Variants in MYO5B observed in about 807,000 individuals in gnomAD.
MYO5B encodes myosin VB, also known as unconventional myosin-Vb.
Under a neutral mutation model 229.3 loss-of-function variants are expected in MYO5B, and 143 were observed. The ratio of observed to expected loss-of-function variants is 0.62; its 90% CI spans 0.54 to 0.72. The LOEUF is 0.72. MYO5B is among the 30% of genes least tolerant of loss of function. The pLI is 0.00. For missense variants in MYO5B, 2,321 were observed against 2,331.0 expected (o/e 1.00, Z 0.09); for synonymous variants, 918 against 885.2 (o/e 1.04, Z -0.66).
chr18:50,172,821 TGGA>T (rs1209884587), intron 1 of MYO5B, among the ~76,000 whole-genome samples: 3 of 152,034 alleles, frequency 2.0e-5, no homozygotes, highest in Admixed American at 6.6e-5. Flanking sequence ...GAGTAGGTGG[TGGA>T]GAAGCCCTCC....
chr18:49,835,373 C>A lies in MYO5B; in HGVS notation c.5365G>T (p.Val1789Leu). 6.2e-7 allele frequency: 1 copy of A among 1,611,988 alleles called. No homozygotes were observed. The part of the protein sequence containing the change: ...YTPLNEFEER[V>L]TVAFIRTIQA... ...ATTGTTCGTATAAAGGCCACTGTTA[C>A]CCGTTCTTCAAATTCATTCAGGGGA... The change falls in exon 39 of 40, where the codon GTA becomes TTA. Residue 1789 changes from valine (V) to leucine (L), a missense_variant. Val to Leu is a conservative substitution (Grantham distance 32, BLOSUM62 1). This residue lies in a region of MYO5B where 208 missense variants were observed against 286.3 expected (regional missense o/e 0.73). Transcript: ENST00000285039.
At chr18:50,053,732 A>C (rs2030466866) in intron 2 of MYO5B, among the ~76,000 whole-genome samples, 1 of 152,202 alleles carries the variant, frequency 6.6e-6, no homozygotes, top group Non-Finnish European at 1.5e-5. Context: ...GCTTAAGTTG[A>C]TACAAAACAG....
chr18:49,984,653 C>G, intron 8 of MYO5B, 65 bp downstream of exon 8: 1 of 1,286,236 alleles, frequency 7.8e-7, no homozygotes, highest in Admixed American at 1.7e-5. Flanking sequence ...GGGACATCGC[C>G]TTGCATTCTA....
At chr18:49,931,006 A>G (rs985729375) in intron 16 of MYO5B, among the ~76,000 whole-genome samples, 1 of 152,170 alleles carries the variant, frequency 6.6e-6, no homozygotes, top group Non-Finnish European at 1.5e-5. Context: ...AGAATTAATC[A>G]CTATTTTTAA....
intron 14 of MYO5B, 21 bp downstream of exon 14, chr18:49,953,239 C>T (rs200117339): frequency 1.2e-6 from 2 of 1,609,866 alleles, no homozygotes; most frequent in Admixed American, 3.3e-5. Context: ...TGCTCCACTC[C>T]CCACTTCTGA....
chr18:49,950,839 C>T (rs1472948276), intron 14 of MYO5B, among the ~76,000 whole-genome samples: 5 of 152,166 alleles, frequency 3.3e-5, no homozygotes, highest in African/African-American at 4.8e-5. Flanking sequence ...GCTAACACAG[C>T]AGGCCTGCAT....
At chr18:49,916,986 T>C (rs1304040662) in intron 17 of MYO5B, among the ~76,000 whole-genome samples, 1 of 152,218 alleles carries the variant, frequency 6.6e-6, no homozygotes, top group Non-Finnish European at 1.5e-5. Flanking sequence ...CCTTTGGGTG[T>C]GTGTTCACTG....
chr18:50,174,261 C>A (rs1223479089), intron 1 of MYO5B, among the ~76,000 whole-genome samples: 2 of 152,136 alleles, frequency 1.3e-5, no homozygotes, highest in African/African-American at 4.8e-5. Flanking sequence ...TCATGTGGAA[C>A]TTAATTCCTT....
intron 1 of MYO5B, among the ~76,000 whole-genome samples, chr18:50,143,695 GA>G (rs2032453856): frequency 6.6e-6 from 1 of 151,980 alleles, no homozygotes; most frequent in South Asian, 2.1e-4. Context: ...ATTTGTTAAG[GA>G]AAAAAATATC....
intron 21 of MYO5B, among the ~76,000 whole-genome samples, chr18:49,897,446 A>T (rs1320923158): frequency 5.3e-5 from 8 of 152,244 alleles, no homozygotes; most frequent in Admixed American, 5.2e-4. Flanking sequence ...AAAAATTTTT[A>T]AACTTAATTT....
intron 19 of MYO5B, 110 bp downstream of exon 19, chr18:49,906,309 C>A (rs116958090): frequency 1.3e-5 from 14 of 1,117,904 alleles, no homozygotes; most frequent in East Asian, 2.6e-5. Context: ...ATGGCCCCAA[C>A]AGGAACCACT....
At chr18:49,864,058 TG>T in intron 28 of MYO5B, 82 bp downstream of exon 28, 1 of 1,574,984 alleles carries the variant, frequency 6.3e-7, no homozygotes, top group Non-Finnish European at 8.6e-7. Context: ...TAGACCCTCG[TG>T]GGTAAAGATA....
At chr18:49,981,388 T>TA (rs925666962) in intron 8 of MYO5B, among the ~76,000 whole-genome samples, 40 of 152,156 alleles carry the variant, frequency 2.6e-4, no homozygotes, top group African/African-American at 9.2e-4. Flanking sequence ...TTATTCAGGC[T>TA]AAAAAACAGT....
intron 1 of MYO5B, among the ~76,000 whole-genome samples, chr18:50,099,753 G>C (rs944570277): frequency 6.6e-6 from 1 of 152,182 alleles, no homozygotes; most frequent in Non-Finnish European, 1.5e-5. Flanking sequence ...AGAATAGTTA[G>C]CTGAGAAATA....
chr18:50,157,315 A>C (rs1455578205), intron 1 of MYO5B, among the ~76,000 whole-genome samples: 3 of 152,204 alleles, frequency 2.0e-5, no homozygotes, highest in African/African-American at 7.2e-5. Flanking sequence ...CATGTTGGCC[A>C]GGCTGGTCTC....
intron 1 of MYO5B, among the ~76,000 whole-genome samples, chr18:50,185,593 C>T (rs2469480): frequency 0.27 from 41,184 of 151,970 alleles, 5,693 homozygotes; most frequent in Middle Eastern, 0.33. Context: ...CCTAATTGCC[C>T]GATTTAATCA....
intron 22 of MYO5B, among the ~76,000 whole-genome samples, chr18:49,882,471 T>C (rs904499262): frequency 2.0e-5 from 3 of 151,534 alleles, no homozygotes; most frequent in East Asian, 3.9e-4. Context: ...CTACTAAAAA[T>C]ACAAAAATTA....
At chr18:50,143,121 C>G (rs879518580) in intron 1 of MYO5B, among the ~76,000 whole-genome samples, 1 of 152,198 alleles carries the variant, frequency 6.6e-6, no homozygotes, top group African/African-American at 2.4e-5. Flanking sequence ...TTATCTTCCT[C>G]ATTCCAATCC....
At chr18:49,932,308 A>C (rs1301134221) in intron 16 of MYO5B, among the ~76,000 whole-genome samples, 1 of 152,152 alleles carries the variant, frequency 6.6e-6, no homozygotes, top group African/African-American at 2.4e-5. Context: ...TTTTGAGGGC[A>C]GGGTTGGGGA....
Sources: allele counts gnomAD v4.1 joint callset (sites outside exome capture counted in the v4.1 genomes callset), GRCh38; gene constraint gnomAD v4.1.1; regional missense constraint gnomAD v4.1.1; transcripts MANE v1.5; gene names NCBI Gene and HGNC (gene_info 2026-07-23, HGNC 2026-07-21).